The following HDAC9 variants were observed in gnomAD, a reference collection of about 807,000 sequenced individuals.
The protein encoded by HDAC9 is histone deacetylase 9, also known as MEF-2 interacting transcription repressor (MITR) protein.
HDAC9 carries 41 observed loss-of-function variants against 139.4 expected under a neutral mutation model. The observed-to-expected ratio is 0.29, with a 90% CI of 0.23 to 0.38. The LOEUF is 0.38. Ranked by LOEUF, HDAC9 falls within the 10% of genes least tolerant of loss-of-function variation. The pLI, the probability that HDAC9 is intolerant of heterozygous loss-of-function variation, is 1.00. For synonymous variants in HDAC9, 517 were observed against 476.2 expected (o/e 1.09, Z -1.12); for missense variants, 1,147 against 1,297.0 (o/e 0.88, Z 1.78).
At chr7:18,893,049 A>AG (rs1800832300) in intron 22 of HDAC9, among the ~76,000 whole-genome samples, 2 of 149,912 alleles carry the variant, frequency 1.3e-5, no homozygotes, top group African/African-American at 4.9e-5. Flanking sequence ...AAAAAAAAAA[A>AG]AAAAAGAAAA....
chr7:18,517,033 C>T (rs546524730), intron 2 of HDAC9, among the ~76,000 whole-genome samples: 1 of 152,108 alleles, frequency 6.6e-6, no homozygotes, highest in Admixed American at 6.5e-5. Context: ...CCACCATCAC[C>T]CCAATTCAGC....
At chr7:18,538,542 C>T (rs1023713942) in intron 2 of HDAC9, among the ~76,000 whole-genome samples, 3 of 152,156 alleles carry the variant, frequency 2.0e-5, no homozygotes, top group South Asian at 4.1e-4. Flanking sequence ...AGCTATTTAA[C>T]GGCCATGAGC....
rs138985447 is a variant in HDAC9, at chr7:18,711,574, A to G, written c.1732-16006A>G. On this transcript the variant is annotated intron_variant, in intron 12 of 25. Coordinates refer to ENST00000686413, the MANE Select transcript of HDAC9 (RefSeq NM_178425.4). The stretch of plus-strand genomic sequence containing the variant: ...GTCTGTGCTCAGTTGAGAGCCACCA[A>G]TACCAGCTGTGGTCTGCCACACCCA... 3.4e-3 allele frequency among the ~76,000 whole-genome samples: 512 copies of G among 152,296 alleles called. 2 individuals carry two copies. The highest frequency in any genetic ancestry group is 0.02 in the Middle Eastern group (6 of 294).
chr7:18,795,257 TAAAAA>T (rs5882676), intron 17 of HDAC9, among the ~76,000 whole-genome samples: 176 of 65,500 alleles, frequency 2.7e-3, no homozygotes, highest in Middle Eastern at 0.015. Flanking sequence ...AAGAAAACAG[TAAAAA>T]AAAAAAAAAA....
chr7:18,087,206 G>C (rs764741771), exon 1 of HDAC9: 1 of 152,436 alleles, frequency 6.6e-6, no homozygotes, highest in Non-Finnish European at 1.5e-5. Context: ...CAGCAGGAGC[G>C]GGCGGAGGTG....
intron 6 of HDAC9, among the ~76,000 whole-genome samples, chr7:18,596,064 T>G (rs1043600167): frequency 6.6e-6 from 1 of 152,094 alleles, no homozygotes; most frequent in Non-Finnish European, 1.5e-5. Context: ...ATAATAATAG[T>G]GAAAAATCCC....
intron 22 of HDAC9, among the ~76,000 whole-genome samples, chr7:18,889,389 G>C (rs1168185996): frequency 1.3e-5 from 2 of 151,850 alleles, no homozygotes; most frequent in African/African-American, 2.4e-5. Flanking sequence ...TATCACCTCA[G>C]CTATTGTCTA....
chr7:18,907,852 G>A (rs967930589), intron 22 of HDAC9, among the ~76,000 whole-genome samples: 5 of 152,070 alleles, frequency 3.3e-5, no homozygotes, highest in African/African-American at 7.2e-5. Context: ...AGTTTGAAAC[G>A]GAGCCACTCC....
rs113403658 is a variant in HDAC9, at chr7:18,889,417, T to C, written c.2803+14821T>C. 4.6e-5 allele frequency among the ~76,000 whole-genome samples: 7 copies of C among 151,492 alleles called. 2 individuals carry two copies. The highest frequency in any genetic ancestry group is 1.7e-4 in the African/African-American group (7 of 41,310). On this transcript the variant is annotated intron_variant, in intron 22 of 25. Transcript: ENST00000686413. Reference sequence around the variant, plus strand: ...ATTGTCTAGGCTCCAGAAATATTTATTGACTTTCATGTATGGAGTGATTTA... The same window carrying C: ...ATTGTCTAGGCTCCAGAAATATTTACTGACTTTCATGTATGGAGTGATTTA...
intron 1 of HDAC9, among the ~76,000 whole-genome samples, chr7:18,392,371 G>A (rs61504052): frequency 0.017 from 2,307 of 132,466 alleles, 56 homozygotes; most frequent in African/African-American, 0.06. Context: ...TCTAATCTCT[G>A]TCTCTCTAGA....
intron 2 of HDAC9, among the ~76,000 whole-genome samples, chr7:18,192,053 A>C (rs1374761410): frequency 6.6e-6 from 1 of 152,222 alleles, no homozygotes; most frequent in East Asian, 1.9e-4. Flanking sequence ...TTGATGCAAA[A>C]GTCAACTCAT....
intron 1 of HDAC9, among the ~76,000 whole-genome samples, chr7:18,379,939 G>T (rs1019387044): frequency 6.6e-6 from 1 of 152,156 alleles, no homozygotes; most frequent in Admixed American, 6.5e-5. Context: ...TCTTACTCAA[G>T]AAAACCTCCA....
chr7:18,410,933 T>TA (rs889194714), intron 1 of HDAC9, among the ~76,000 whole-genome samples: 10 of 152,152 alleles, frequency 6.6e-5, no homozygotes, highest in African/African-American at 1.4e-4. Context: ...AGGAAAGAAG[T>TA]AAAAAAAATA....
chr7:18,974,681 C>T (rs1273626424), intron 24 of HDAC9, among the ~76,000 whole-genome samples: 5 of 152,128 alleles, frequency 3.3e-5, no homozygotes, highest in Non-Finnish European at 5.9e-5. Context: ...ACTTAGTATC[C>T]TCTCCTAATG....
At chr7:18,916,888 C>T (rs1259528251) in intron 22 of HDAC9, among the ~76,000 whole-genome samples, 1 of 152,006 alleles carries the variant, frequency 6.6e-6, no homozygotes, top group African/African-American at 2.4e-5. Flanking sequence ...TTTTCTCTCC[C>T]ACAATGCCAT....
At chr7:18,566,638 C>T (rs1043892128) in intron 2 of HDAC9, among the ~76,000 whole-genome samples, 2 of 152,184 alleles carry the variant, frequency 1.3e-5, no homozygotes, top group African/African-American at 4.8e-5. Context: ...GATCCATAGA[C>T]GTGGACTAAT....
chr7:18,295,734 C>T (rs1021783601), intron 1 of HDAC9, among the ~76,000 whole-genome samples: 7 of 152,120 alleles, frequency 4.6e-5, no homozygotes, highest in Non-Finnish European at 7.4e-5. Context: ...ACCAGTAGTT[C>T]TCAACCGGGG....
chr7:18,818,555 A>T (rs1019633462), intron 17 of HDAC9, among the ~76,000 whole-genome samples: 5 of 152,214 alleles, frequency 3.3e-5, no homozygotes, highest in African/African-American at 1.2e-4. Flanking sequence ...TTTACCAAGA[A>T]TAAGTATATA....
rs754685773 is a variant in HDAC9, at chr7:18,807,404, C to A, written c.2322+13952C>A. Among the ~76,000 whole-genome samples, 8 of 151,770 alleles carry A rather than the reference C, an allele frequency of 5.3e-5. No individual in the cohort carries two copies. The East Asian group carries it at 1.4e-3, about 26-fold the overall frequency. ...GTCTGAAACCAACTGTTTTGTTGAC[C>A]TTTTCTAATTTTTAATGTTTTTATT... On this transcript the variant is annotated intron_variant, in intron 17 of 25. Coordinates refer to ENST00000686413, the MANE Select transcript of HDAC9 (RefSeq NM_178425.4).
Sources: gnomAD v4.1 joint callset for allele counts (sites outside exome capture counted in the v4.1 genomes callset) on GRCh38, gnomAD v4.1.1 for gene constraint, MANE v1.5 for transcripts, NCBI Gene and HGNC (gene_info 2026-07-23, HGNC 2026-07-21) for gene names.